STIM1: variants seen among roughly 807,000 people sequenced by gnomAD.
The protein encoded by STIM1 is stromal interaction molecule 1.
STIM1 carries 25 observed loss-of-function variants against 74.7 expected under a neutral mutation model. The observed-to-expected ratio is 0.33, with a 90% confidence interval of 0.24 to 0.47. STIM1 has a LOEUF of 0.47. Among genes scored for constraint, STIM1 ranks in the 20% least tolerant of loss-of-function variants. The pLI is 1.00. For missense variants in STIM1, 728 were observed against 920.8 expected (o/e 0.79, Z 2.71); for synonymous variants, 328 against 348.8 (o/e 0.94, Z 0.66).
Position 3,879,838 on chromosome 11 carries a change from G to A in STIM1, c.139+23429G>A, listed in dbSNP as rs919964534. ...TACCTTGTGGGTTTTTAGGAGGTTTGGTTGGTGACCCAGTGAATGGTAAAG... is the reference window on the plus strand; with the variant it reads ...TACCTTGTGGGTTTTTAGGAGGTTTAGTTGGTGACCCAGTGAATGGTAAAG... On this transcript the variant is annotated intron_variant, in intron 1 of 12. Coordinates refer to ENST00000526596, the MANE Select transcript of STIM1 (RefSeq NM_001382567.1). Among the ~76,000 whole-genome samples the A allele has an allele frequency of 2.0e-5, 3 of 152,094 alleles. 1 individual carries two copies. Among genetic ancestry groups the A allele is most frequent in the Admixed American group, 1.3e-4 (2 of 15,268 alleles).
intron 1 of STIM1, chr11:3,922,759 T>G (rs2092733759): frequency 6.0e-6 from 1 of 166,310 alleles, no homozygotes; most frequent in Non-Finnish European, 1.3e-5. Context: ...TAACTGGGTC[T>G]GCTTCTTTCC....
chr11:4,009,960 A>C (rs933040393), intron 2 of STIM1, among the ~76,000 whole-genome samples: 2 of 151,610 alleles, frequency 1.3e-5, no homozygotes, highest in East Asian at 3.9e-4. Context: ...CCACAAGTGC[A>C]CACCACCACA....
intron 1 of STIM1, among the ~76,000 whole-genome samples, chr11:3,880,857 A>G (rs2091473435): frequency 1.3e-5 from 2 of 152,276 alleles, no homozygotes; most frequent in Middle Eastern, 3.4e-3. Flanking sequence ...ATGGACCAAT[A>G]CATCCTATTT....
At chr11:3,915,242 C>T (rs2092625790) in intron 1 of STIM1, among the ~76,000 whole-genome samples, 1 of 152,044 alleles carries the variant, frequency 6.6e-6, no homozygotes, top group South Asian at 2.1e-4. Flanking sequence ...TCTTTTGATA[C>T]ACTGTAGCTT....
At chr11:3,927,841 C>A (rs1459572950) in intron 1 of STIM1, among the ~76,000 whole-genome samples, 1 of 152,188 alleles carries the variant, frequency 6.6e-6, no homozygotes, top group Non-Finnish European at 1.5e-5. Flanking sequence ...CTCAAACTAG[C>A]CAAAATCAGC....
intron 2 of STIM1, among the ~76,000 whole-genome samples, chr11:4,017,639 G>A (rs2093910878): frequency 6.6e-6 from 1 of 152,112 alleles, no homozygotes; most frequent in African/African-American, 2.4e-5. Context: ...CTTGCTTGTG[G>A]TAACTGTCTT....
chr11:3,886,549 G>T (rs2091711585), intron 1 of STIM1, among the ~76,000 whole-genome samples: 1 of 151,486 alleles, frequency 6.6e-6, no homozygotes, highest in Non-Finnish European at 1.5e-5. Context: ...TTAGCCGGGT[G>T]TGGTGGCAGG....
chr11:3,991,494 C>G (rs1227608526), intron 2 of STIM1, among the ~76,000 whole-genome samples: 1 of 151,872 alleles, frequency 6.6e-6, no homozygotes, highest in African/African-American at 2.4e-5. Context: ...TTAATGGCAT[C>G]TAGGTTGATT....
chr11:3,889,796 A>G (rs1478672396), intron 1 of STIM1, among the ~76,000 whole-genome samples: 1 of 152,106 alleles, frequency 6.6e-6, no homozygotes, highest in Non-Finnish European at 1.5e-5. Flanking sequence ...GTCTTTTCAA[A>G]GTTGCAGGAG....
At chr11:4,006,537 C>T (rs2093783243) in intron 2 of STIM1, among the ~76,000 whole-genome samples, 1 of 152,224 alleles carries the variant, frequency 6.6e-6, no homozygotes, top group Admixed American at 6.5e-5. Flanking sequence ...TCCTCACCCT[C>T]CCAGGTAGCT....
At chr11:4,041,996 T>C (rs2094151633) in intron 3 of STIM1, among the ~76,000 whole-genome samples, 2 of 152,222 alleles carry the variant, frequency 1.3e-5, no homozygotes, top group South Asian at 4.1e-4. Context: ...ACTGGCAACC[T>C]TCCTGCCAGA....
At chr11:3,927,518 T>G (rs1326668948) in intron 1 of STIM1, among the ~76,000 whole-genome samples, 2 of 152,268 alleles carry the variant, frequency 1.3e-5, no homozygotes, top group African/African-American at 4.8e-5. Flanking sequence ...AGCTACTTAC[T>G]TGTAACCTTT....
chr11:3,904,769 A>AAG (rs996361884), intron 1 of STIM1, among the ~76,000 whole-genome samples: 35 of 152,086 alleles, frequency 2.3e-4, no homozygotes, highest in African/African-American at 7.5e-4. Flanking sequence ...CATGGAATAC[A>AAG]AGAGAGAGAG....
intron 2 of STIM1, among the ~76,000 whole-genome samples, chr11:3,991,044 G>C (rs190148776): frequency 5.9e-4 from 90 of 152,198 alleles, no homozygotes; most frequent in African/African-American, 2.0e-3. Context: ...CCACTTACAA[G>C]TGAGAACATG....
At chr11:4,053,587 G>T (rs1424973435) in intron 3 of STIM1, among the ~76,000 whole-genome samples, 2 of 151,866 alleles carry the variant, frequency 1.3e-5, no homozygotes, top group African/African-American at 2.4e-5. Context: ...GTTGTGGGGT[G>T]GGGGGAAGGG....
At chr11:3,942,366 T>G (rs2093022149) in intron 1 of STIM1, among the ~76,000 whole-genome samples, 1 of 152,180 alleles carries the variant, frequency 6.6e-6, no homozygotes, top group South Asian at 2.1e-4. Flanking sequence ...GGATGACACA[T>G]TTTCAGCTTC....
chr11:3,912,302 T>A (rs1267165664), intron 1 of STIM1, among the ~76,000 whole-genome samples: 11 of 149,256 alleles, frequency 7.4e-5, no homozygotes, highest in African/African-American at 2.5e-4. Flanking sequence ...CTTTCTTTTT[T>A]TCCAAGCTAG....
chr11:3,997,571 T>C (rs1269043556), intron 2 of STIM1, among the ~76,000 whole-genome samples: 4 of 152,188 alleles, frequency 2.6e-5, no homozygotes, highest in Non-Finnish European at 4.4e-5. Flanking sequence ...TCCCATGTTA[T>C]AGTCACTGAC....
chr11:4,056,508 A>C (rs2094291281), intron 4 of STIM1, among the ~76,000 whole-genome samples: 1 of 152,214 alleles, frequency 6.6e-6, no homozygotes, highest in Non-Finnish European at 1.5e-5. Context: ...AGGGCTTACT[A>C]TCTGGTAAGT....
Sources: gnomAD v4.1 joint callset for allele counts (sites outside exome capture counted in the v4.1 genomes callset) on GRCh38, gnomAD v4.1.1 for gene constraint, MANE v1.5 for transcripts, NCBI Gene and HGNC (gene_info 2026-07-23, HGNC 2026-07-21) for gene names.